The following DOP1A variants were observed in gnomAD, a reference collection of about 807,000 sequenced individuals.
DOP1A encodes DOP1 leucine zipper like protein A.
A neutral mutation model predicts 267.6 loss-of-function variants in DOP1A; 90 were observed. The observed-to-expected ratio is 0.34, with a 90% CI of 0.28 to 0.40. DOP1A has a LOEUF of 0.40. Among genes scored for constraint, DOP1A ranks in the 10% least tolerant of loss-of-function variants. The probability of loss-of-function intolerance (pLI) is 1.00; values close to 1 mark genes in which losing one functional copy is unlikely to be tolerated. For missense variants in DOP1A, 2,437 were observed against 2,900.4 expected (o/e 0.84, Z 3.67); for synonymous variants, 932 against 999.1 (o/e 0.93, Z 1.27).
intron 9 of DOP1A, 24 bp from the exon 10 acceptor site, chr6:83,120,659 C>G (rs771741933): frequency 1.3e-6 from 2 of 1,501,546 alleles, no homozygotes; most frequent in Non-Finnish European, 1.8e-6. Flanking sequence ...ACTTAAATGA[C>G]CAGTGTACTT....
downstream of DOP1A, chr6:83,169,984 AAAG>A (rs1786752383): frequency 2.5e-6 from 1 of 394,558 alleles, no homozygotes; most frequent in Non-Finnish European, 4.8e-6. Flanking sequence ...TATATTTTTA[AAAG>A]AAGAGAAAAG....
chr6:83,089,775 C>T (rs1285764815), intron 1 of DOP1A, among the ~76,000 whole-genome samples: 2 of 152,108 alleles, frequency 1.3e-5, no homozygotes, highest in Non-Finnish European at 2.9e-5. Context: ...CAAAACAGCT[C>T]ATTTGACAGA....
At chr6:83,147,329 C>G in intron 26 of DOP1A, 38 bp downstream of exon 26, 4 of 1,129,590 alleles carry the variant, frequency 3.5e-6, no homozygotes, top group Non-Finnish European at 4.9e-6. Flanking sequence ...TACTATGTTG[C>G]TAGAAACAGA....
At chr6:83,068,061 A>AGGCGGGGCCGGGGAGCCGGG (rs1784981676) in intron 1 of DOP1A, among the ~76,000 whole-genome samples, 1 of 152,002 alleles carries the variant, frequency 6.6e-6, no homozygotes, top group Non-Finnish European at 1.5e-5. Flanking sequence ...GGGAGGCCGG[A>AGGCGGGGCCGGGGAGCCGGG]GGCGGGGCCG....
intron 18 of DOP1A, among the ~76,000 whole-genome samples, chr6:83,133,165 A>AT (rs1373772799): frequency 3.9e-5 from 6 of 152,120 alleles, no homozygotes; most frequent in Admixed American, 3.3e-4. Flanking sequence ...GCTATAACAT[A>AT]TTTTTTCAAA....
intron 25 of DOP1A, among the ~76,000 whole-genome samples, chr6:83,146,695 A>G (rs1345092666): frequency 6.6e-6 from 1 of 152,322 alleles, no homozygotes; most frequent in African/African-American, 2.4e-5. Context: ...GTGGTCATCA[A>G]TATCATTCTC....
intron 17 of DOP1A, 38 bp from the exon 18 acceptor site, chr6:83,132,138 A>G (rs762896579): frequency 2.5e-6 from 4 of 1,581,780 alleles, no homozygotes; most frequent in African/African-American, 1.3e-5. Flanking sequence ...ATTTTCATGT[A>G]TGGTATTGTG....
intron 7 of DOP1A, among the ~76,000 whole-genome samples, chr6:83,117,507 TGCACTCAAAGG>T (rs755949208): frequency 1.8e-4 from 27 of 152,128 alleles, no homozygotes; most frequent in Non-Finnish European, 3.7e-4. Context: ...TTAAAAGACA[TGCACTCAAAGG>T]TTGATACTTA....
chr6:83,120,064 TC>T (rs1392120178), intron 9 of DOP1A, among the ~76,000 whole-genome samples: 1 of 152,106 alleles, frequency 6.6e-6, no homozygotes, highest in East Asian at 1.9e-4. Flanking sequence ...AGACTTTTTT[TC>T]TCTTACTTTG....
intron 33 of DOP1A, among the ~76,000 whole-genome samples, chr6:83,155,444 A>C (rs1292475736): frequency 1.3e-5 from 2 of 152,156 alleles, no homozygotes; most frequent in Non-Finnish European, 2.9e-5. Context: ...ACTGGGTGAC[A>C]GAGGAAGATA....
chr6:83,085,358 C>G (rs1768931293), intron 1 of DOP1A, among the ~76,000 whole-genome samples: 1 of 152,052 alleles, frequency 6.6e-6, no homozygotes, highest in Non-Finnish European at 1.5e-5. Context: ...AGACAGGAAA[C>G]AAGCAAATAA....
At position 83,145,586 on chromosome 6, in the gene DOP1A, C is replaced by G. The variant is rs759130579; in HGVS notation, c.5604C>G (p.Val1868=). ...TGGAATTGGTTCGTTCAATCAGTGTCATGAGAGCAGAAACTGTTATCCAGA... is the reference window on the plus strand; with the variant it reads ...TGGAATTGGTTCGTTCAATCAGTGTGATGAGAGCAGAAACTGTTATCCAGA... ...LLVELVRSIS[V]MRAETVIQTV... is the part of the protein sequence containing the mutation. The change falls in exon 25 of 39, where the codon GTC becomes GTG. Residue 1868 remains valine, a synonymous_variant. Coordinates refer to ENST00000349129, the MANE Select transcript of DOP1A (RefSeq NM_015018.4). 6.2e-7 allele frequency: 1 copy of G among 1,612,814 alleles called. No homozygotes were observed. Among genetic ancestry groups the G allele is most frequent in the Non-Finnish European group, 8.5e-7 (1 of 1,179,316 alleles).
chr6:83,145,565 A>C lies in DOP1A; in HGVS notation c.5583A>C (p.Glu1861Asp). 1 of 1,610,338 alleles carries C rather than the reference A, an allele frequency of 6.2e-7. No homozygotes were observed. Among genetic ancestry groups the C allele is most frequent in the Non-Finnish European group, 8.5e-7 (1 of 1,177,880 alleles). Residue 1861 changes from glutamate (E) to aspartate (D), a missense_variant, in exon 25 of 39, where the codon GAA (glutamate) becomes GAC (aspartate). Coordinates refer to ENST00000349129, the MANE Select transcript of DOP1A (RefSeq NM_015018.4). ...GTGAAGAACAGCTTTTATTAGTGGA[A>C]TTGGTTCGTTCAATCAGTGTCATGA... ...AASEEQLLLV[E>D]LVRSISVMRA...
In DOP1A at chr6:83,100,767, A is replaced by T. The variant is rs1323845056; in HGVS notation, c.201A>T (p.Leu67=). 6.3e-7 allele frequency: 1 copy of T among 1,590,918 alleles called. No homozygotes were observed. The highest frequency in any genetic ancestry group is 1.2e-5 in the South Asian group (1 of 86,546). ...VPKKLTIGKR[L]AQCLHPALPG... is the part of the protein sequence containing the mutation. ...AAAAGCTGACCATAGGCAAACGCCT[A>T]GCTCAATGTCTACATCCAGCATTAC... The change falls in exon 4 of 39, where the codon CTA becomes CTT. Residue 67 remains leucine (L), a synonymous_variant. Coordinates refer to ENST00000349129, the MANE Select transcript of DOP1A (RefSeq NM_015018.4).
At chr6:83,077,830 A>G (rs1350498509) in intron 1 of DOP1A, among the ~76,000 whole-genome samples, 1 of 152,242 alleles carries the variant, frequency 6.6e-6, no homozygotes, top group Non-Finnish European at 1.5e-5. Context: ...CTCAGGCCAC[A>G]CATAAAATAC....
At chr6:83,113,472 A>G (rs1774903486) in intron 7 of DOP1A, 51 bp downstream of exon 7, 5 of 1,417,820 alleles carry the variant, frequency 3.5e-6, no homozygotes, top group Non-Finnish European at 5.0e-6. Flanking sequence ...AAAACTGTAG[A>G]TTGATAATGT....
intron 38 of DOP1A, among the ~76,000 whole-genome samples, chr6:83,163,576 ACTTT>A (rs1784742113): frequency 6.6e-6 from 1 of 152,206 alleles, no homozygotes; most frequent in African/African-American, 2.4e-5. Flanking sequence ...AGTATTTTTC[ACTTT>A]CTGATTATAA....
At position 83,137,374 on chromosome 6, in the gene DOP1A, C is replaced by T; in HGVS notation, c.3332C>T (p.Ser1111Leu). 8 of 1,613,784 alleles carry T rather than the reference C, an allele frequency of 5.0e-6. No individual in the cohort carries two copies. The highest frequency in any genetic ancestry group is 6.8e-6 in the Non-Finnish European group (8 of 1,179,834). Residue 1111 changes from serine to leucine, a missense_variant, in exon 21 of 39, where the codon TCG becomes TTG. Coordinates refer to ENST00000349129, the MANE Select transcript of DOP1A (RefSeq NM_015018.4). The stretch of plus-strand genomic sequence containing the variant: ...ATAGAAATACTTCAGAGTTCTGACT[C>T]GGGATGTTCACAGTCCTCTGCTGGG... ...QQIEILQSSD[S>L]GCSQSSAGDN... is the part of the protein sequence containing the mutation.
At chr6:83,077,456 G>A (rs546463459) in intron 1 of DOP1A, among the ~76,000 whole-genome samples, 3 of 152,216 alleles carry the variant, frequency 2.0e-5, no homozygotes, top group South Asian at 4.2e-4. Flanking sequence ...ATCGTTTGAG[G>A]CCACAAGTTC....
Sources: gnomAD v4.1 joint callset for allele counts (sites outside exome capture counted in the v4.1 genomes callset) on GRCh38, gnomAD v4.1.1 for gene constraint, MANE v1.5 for transcripts, NCBI Gene and HGNC (gene_info 2026-07-23, HGNC 2026-07-21) for gene names.